NRXN1: variants seen among roughly 807,000 people sequenced by gnomAD.
NRXN1 encodes neurexin-1.
A neutral mutation model predicts 150.9 loss-of-function variants in NRXN1; 39 were observed. That is an observed-to-expected ratio of 0.26 (90% confidence interval 0.20 to 0.34). NRXN1 has a LOEUF of 0.34. Among genes scored for constraint, NRXN1 ranks in the 10% least tolerant of loss-of-function variants. NRXN1 has a pLI of 1.00. For synonymous variants in NRXN1, 924 were observed against 757.0 expected, an observed-to-expected ratio of 1.22 and a Z score of -3.62; for missense variants, 1,815 against 1,949.9, an observed-to-expected ratio of 0.93 and a Z score of 1.30.
intron 5 of NRXN1, among the ~76,000 whole-genome samples, chr2:50,626,998 T>A (rs970179760): frequency 2.0e-5 from 3 of 151,834 alleles, no homozygotes; most frequent in African/African-American, 7.2e-5. Flanking sequence ...TTCATTCCTA[T>A]TAGTATTCAG....
At chr2:50,642,370 T>C (rs1028657520) in intron 5 of NRXN1, among the ~76,000 whole-genome samples, 1 of 152,124 alleles carries the variant, frequency 6.6e-6, no homozygotes, top group African/African-American at 2.4e-5. Flanking sequence ...GATAACATCT[T>C]GAAAGAGGAC....
At chr2:50,904,872 G>T (rs1236446950) in intron 5 of NRXN1, among the ~76,000 whole-genome samples, 2 of 151,992 alleles carry the variant, frequency 1.3e-5, no homozygotes, top group Non-Finnish European at 1.5e-5. Context: ...TCTCCCACAG[G>T]CACTTTCAGA....
intron 5 of NRXN1, among the ~76,000 whole-genome samples, chr2:50,857,892 G>T (rs1416043456): frequency 6.6e-6 from 1 of 151,984 alleles, no homozygotes; most frequent in Admixed American, 6.6e-5. Context: ...ATCGGTACTG[G>T]CTGGTGACAG....
intron 2 of NRXN1, among the ~76,000 whole-genome samples, chr2:50,946,425 A>G (rs1312897577): frequency 1.3e-5 from 2 of 152,080 alleles, no homozygotes; most frequent in African/African-American, 2.4e-5. Context: ...ATCTATTGAG[A>G]TTCTTTATCT....
chr2:50,250,273 C>T (rs758952490), intron 17 of NRXN1, among the ~76,000 whole-genome samples: 71 of 152,080 alleles, frequency 4.7e-4, no homozygotes, highest in Non-Finnish European at 9.1e-4. Flanking sequence ...CCCAAATACT[C>T]CCAAATTATT....
At chr2:49,964,453 A>G (rs966325299) in intron 21 of NRXN1, among the ~76,000 whole-genome samples, 1 of 151,656 alleles carries the variant, frequency 6.6e-6, no homozygotes, top group Non-Finnish European at 1.5e-5. Context: ...GGTGGCGCAC[A>G]CCTGTAATGC....
At chr2:50,272,065 T>C (rs2069748188) in intron 17 of NRXN1, among the ~76,000 whole-genome samples, 1 of 152,056 alleles carries the variant, frequency 6.6e-6, no homozygotes, top group African/African-American at 2.4e-5. Flanking sequence ...ATTGGGGAAA[T>C]GGGTGTGAGG....
At chr2:50,618,572 C>T (rs1679419882) in intron 8 of NRXN1, among the ~76,000 whole-genome samples, 1 of 151,976 alleles carries the variant, frequency 6.6e-6, no homozygotes, top group Admixed American at 6.6e-5. Context: ...ACACTGAAAT[C>T]AGACTTCCTC....
chr2:50,545,160 G>C (rs995259722), intron 9 of NRXN1, among the ~76,000 whole-genome samples: 2 of 152,174 alleles, frequency 1.3e-5, no homozygotes, highest in Admixed American at 1.3e-4. Flanking sequence ...GCTTCACTTA[G>C]CTAGTTTTTG....
At chr2:50,088,543 A>G (rs946919993) in intron 19 of NRXN1, among the ~76,000 whole-genome samples, 7 of 152,308 alleles carry the variant, frequency 4.6e-5, no homozygotes, top group East Asian at 1.9e-4. Context: ...TCTAAAATAC[A>G]TCTTGGTAAA....
At chr2:50,855,728 T>C (rs1405111338) in intron 5 of NRXN1, among the ~76,000 whole-genome samples, 1 of 152,064 alleles carries the variant, frequency 6.6e-6, no homozygotes, top group East Asian at 1.9e-4. Context: ...TTCCTTAATA[T>C]TTAAAAAGAG....
intron 5 of NRXN1, among the ~76,000 whole-genome samples, chr2:50,763,534 G>C (rs1329313355): frequency 6.6e-6 from 1 of 151,500 alleles, no homozygotes; most frequent in East Asian, 2.0e-4. Flanking sequence ...ATTATGCTAG[G>C]CACTTAATAA....
chr2:50,672,499 C>T (rs552025381), intron 5 of NRXN1, among the ~76,000 whole-genome samples: 1 of 152,028 alleles, frequency 6.6e-6, no homozygotes, highest in South Asian at 2.1e-4. Context: ...GGTTAAATCC[C>T]TAGGGAAGCA....
At chr2:50,928,211 T>C (rs1480999462) in intron 2 of NRXN1, among the ~76,000 whole-genome samples, 1 of 151,768 alleles carries the variant, frequency 6.6e-6, no homozygotes, top group Non-Finnish European at 1.5e-5. Flanking sequence ...AAAATTTAGA[T>C]TTAGAAAAAA....
intron 12 of NRXN1, among the ~76,000 whole-genome samples, chr2:50,520,419 C>A (rs11893406): frequency 0.18 from 26,226 of 149,584 alleles, 3,022 homozygotes; most frequent in African/African-American, 0.32. Flanking sequence ...TTTTTAATCA[C>A]AATAGCAAAG....
chr2:50,598,554 A>G (rs1012004845), intron 8 of NRXN1, among the ~76,000 whole-genome samples: 13 of 134,086 alleles, frequency 9.7e-5, no homozygotes, highest in Admixed American at 2.3e-4. Context: ...ATATGTGTGT[A>G]TATATATATG....
chr2:49,987,287 T>G (rs1363069855), intron 21 of NRXN1, among the ~76,000 whole-genome samples: 1 of 152,130 alleles, frequency 6.6e-6, no homozygotes, highest in African/African-American at 2.4e-5. Context: ...AGTATTATTT[T>G]GAAAATAATT....
At chr2:49,950,364 A>G (rs1382611418) in intron 21 of NRXN1, among the ~76,000 whole-genome samples, 1 of 151,958 alleles carries the variant, frequency 6.6e-6, no homozygotes. Context: ...TCACTATTTA[A>G]TAAACATAAA....
At chr2:50,492,762 G>T (rs1033552141) in intron 15 of NRXN1, among the ~76,000 whole-genome samples, 1 of 151,962 alleles carries the variant, frequency 6.6e-6, no homozygotes, top group Non-Finnish European at 1.5e-5. Flanking sequence ...GCCCAGGGCT[G>T]GTAAAACAAA....
Sources: gnomAD v4.1 joint callset for allele counts (sites outside exome capture counted in the v4.1 genomes callset) on GRCh38, gnomAD v4.1.1 for gene constraint, MANE v1.5 for transcripts, NCBI Gene and HGNC (gene_info 2026-07-23, HGNC 2026-07-21) for gene names.